The following PLCB1 variants were observed in gnomAD, a reference collection of about 807,000 sequenced individuals.
The protein encoded by PLCB1 is phospholipase C beta 1, also known as 1-phosphatidylinositol 4,5-bisphosphate phosphodiesterase beta-1.
PLCB1 carries 46 observed loss-of-function variants against 161.8 expected under a neutral mutation model. The observed-to-expected ratio is 0.28, with a 90% CI of 0.22 to 0.36. The LOEUF is 0.36. Among genes scored for constraint, PLCB1 ranks in the 10% least tolerant of loss-of-function variants. PLCB1 has a pLI of 1.00. For missense variants in PLCB1, 1,016 were observed against 1,472.5 expected, an observed-to-expected ratio of 0.69 and a Z score of 5.07; for synonymous variants, 517 against 503.7, an observed-to-expected ratio of 1.03 and a Z score of -0.35.
chr20:8,454,345 G>A (rs1981203725), intron 3 of PLCB1, among the ~76,000 whole-genome samples: 1 of 152,174 alleles, frequency 6.6e-6, no homozygotes, highest in African/African-American at 2.4e-5. Flanking sequence ...TGCCAAGGGA[G>A]ATGGCTGTCT....
In PLCB1 at chr20:8,881,631, G is replaced by A; in HGVS notation, c.3433G>A (p.Glu1145Lys). The A allele has an allele frequency of 1.2e-6, 2 of 1,613,176 alleles. No individual in the cohort carries two copies. Among genetic ancestry groups the A allele is most frequent in the South Asian group, 2.2e-5 (2 of 91,054 alleles). Residue 1145 changes from glutamate (E) to lysine (K), a missense_variant, in exon 32 of 32, where the codon GAG (glutamate) becomes AAG (lysine). Coordinates refer to ENST00000338037, the MANE Select transcript of PLCB1 (RefSeq NM_015192.4). Reference sequence around the variant, plus strand: ...TCTTGATGTCTCTCAGCTGCAGGTGGAGCTGGAGCAAGAATACCAAGACAA... The same window carrying A: ...TCTTGATGTCTCTCAGCTGCAGGTGAAGCTGGAGCAAGAATACCAAGACAA... ...ILDEKPKLQV[E>K]LEQEYQDKFK...
intron 3 of PLCB1, among the ~76,000 whole-genome samples, chr20:8,466,397 G>A (rs910361902): frequency 6.6e-5 from 10 of 151,076 alleles, no homozygotes; most frequent in South Asian, 4.2e-4. Context: ...TGGGTGCAGC[G>A]CACCAGCATG....
At chr20:8,654,852 G>T (rs951049284) in intron 7 of PLCB1, among the ~76,000 whole-genome samples, 2 of 151,982 alleles carry the variant, frequency 1.3e-5, no homozygotes, top group Admixed American at 1.3e-4. Flanking sequence ...AGGAATTAGG[G>T]ATTATCCATA....
At chr20:8,447,143 G>A (rs1980870964) in intron 3 of PLCB1, among the ~76,000 whole-genome samples, 1 of 152,166 alleles carries the variant, frequency 6.6e-6, no homozygotes. Flanking sequence ...TCAAAGGCCA[G>A]CTATACCCTG....
intron 17 of PLCB1, among the ~76,000 whole-genome samples, chr20:8,727,886 A>T (rs1445899400): frequency 6.6e-6 from 1 of 152,096 alleles, no homozygotes; most frequent in Non-Finnish European, 1.5e-5. Context: ...ATACATTACT[A>T]AGACTGGATT....
chr20:8,176,035 G>T (rs1568578939), intron 2 of PLCB1, among the ~76,000 whole-genome samples: 2 of 152,146 alleles, frequency 1.3e-5, no homozygotes, highest in African/African-American at 2.4e-5. Context: ...CCAAATGCTG[G>T]CAAGGGTGTG....
At chr20:8,522,667 G>A (rs560049565) in intron 3 of PLCB1, among the ~76,000 whole-genome samples, 5 of 152,066 alleles carry the variant, frequency 3.3e-5, no homozygotes, top group Admixed American at 1.3e-4. Flanking sequence ...GGAAAACAAG[G>A]CATTGAATAG....
chr20:8,810,118 G>A (rs887322000), intron 31 of PLCB1, among the ~76,000 whole-genome samples: 1 of 152,172 alleles, frequency 6.6e-6, no homozygotes, highest in Non-Finnish European at 1.5e-5. Context: ...TCTCTCCAAT[G>A]TTGCCCCTTC....
intron 3 of PLCB1, among the ~76,000 whole-genome samples, chr20:8,459,910 TC>T (rs1349870928): frequency 6.6e-6 from 1 of 152,162 alleles, no homozygotes; most frequent in Non-Finnish European, 1.5e-5. Context: ...GTAATATATT[TC>T]CCCCAAATGA....
intron 7 of PLCB1, among the ~76,000 whole-genome samples, chr20:8,654,942 A>G (rs988157013): frequency 1.3e-5 from 2 of 152,034 alleles, no homozygotes; most frequent in African/African-American, 2.4e-5. Context: ...CTCTTTATGG[A>G]ACATTTTTTC....
At chr20:8,761,071 G>A (rs1363049943) in intron 25 of PLCB1, among the ~76,000 whole-genome samples, 2 of 152,172 alleles carry the variant, frequency 1.3e-5, no homozygotes, top group Admixed American at 6.5e-5. Flanking sequence ...ATGTCCATCA[G>A]CTGTAAGGTA....
At chr20:8,379,090 C>A (rs879344258) in intron 3 of PLCB1, among the ~76,000 whole-genome samples, 18 of 151,726 alleles carry the variant, frequency 1.2e-4, no homozygotes, top group Non-Finnish European at 2.7e-4. Flanking sequence ...CCTGTAAGTT[C>A]CCTCCTCTCA....
intron 1 of PLCB1, among the ~76,000 whole-genome samples, chr20:8,149,584 AGT>A (rs2051488497): frequency 6.6e-6 from 1 of 152,210 alleles, no homozygotes; most frequent in Non-Finnish European, 1.5e-5. Flanking sequence ...TGAGTGTTTC[AGT>A]ATAAAAATCC....
intron 2 of PLCB1, among the ~76,000 whole-genome samples, chr20:8,225,750 G>C (rs965424948): frequency 6.6e-6 from 1 of 152,186 alleles, no homozygotes; most frequent in Non-Finnish European, 1.5e-5. Context: ...GAAAGCCAAG[G>C]TTGTTCTCAC....
chr20:8,558,222 A>G (rs1352605398), intron 3 of PLCB1, among the ~76,000 whole-genome samples: 2 of 151,972 alleles, frequency 1.3e-5, no homozygotes, highest in Non-Finnish European at 2.9e-5. Flanking sequence ...TAAATATCCC[A>G]TTTACCTTGA....
At chr20:8,490,641 G>T (rs1025634553) in intron 3 of PLCB1, among the ~76,000 whole-genome samples, 1 of 152,086 alleles carries the variant, frequency 6.6e-6, no homozygotes, top group Non-Finnish European at 1.5e-5. Context: ...TTGTATGACA[G>T]CATCTTTTTA....
intron 10 of PLCB1, among the ~76,000 whole-genome samples, chr20:8,693,345 C>T (rs1332373946): frequency 2.0e-5 from 3 of 152,184 alleles, no homozygotes; most frequent in Admixed American, 6.5e-5. Context: ...ATGGCAACTG[C>T]TCTGTGTTCA....
At chr20:8,210,793 T>C (rs1978781719) in intron 2 of PLCB1, among the ~76,000 whole-genome samples, 1 of 152,148 alleles carries the variant, frequency 6.6e-6, no homozygotes, top group Non-Finnish European at 1.5e-5. Flanking sequence ...CAAACTCTGA[T>C]TTCATTTCTT....
chr20:8,195,337 G>A (rs2123115334), intron 2 of PLCB1, among the ~76,000 whole-genome samples: 1 of 152,066 alleles, frequency 6.6e-6, no homozygotes, highest in East Asian at 1.9e-4. Context: ...TGGATTTGGG[G>A]CCACTGAGGG....
Sources: allele counts gnomAD v4.1 joint callset (sites outside exome capture counted in the v4.1 genomes callset), GRCh38; gene constraint gnomAD v4.1.1; transcripts MANE v1.5; gene names NCBI Gene and HGNC (gene_info 2026-07-23, HGNC 2026-07-21).